Variants in MRPS30 observed in about 807,000 individuals in gnomAD.
MRPS30 encodes the protein mitochondrial ribosomal protein S30.
Under a neutral mutation model 43.8 loss-of-function variants are expected in MRPS30, and 42 were observed. The ratio of observed to expected loss-of-function variants is 0.96; its 90% CI spans 0.75 to 1.24. The LOEUF is 1.24. Among genes scored for constraint, MRPS30 ranks in the 50% most tolerant of loss-of-function variants. The pLI is 0.00. For synonymous variants in MRPS30, 273 were observed against 228.2 expected (o/e 1.20, Z -1.77); for missense variants, 638 against 570.0 (o/e 1.12, Z -1.22).
At position 44,811,274 on chromosome 5, in the gene MRPS30, T is replaced by C. The variant is rs1742836308; in HGVS notation, c.747+120T>C. 17 of 1,234,278 alleles carry C rather than the reference T, an allele frequency of 1.4e-5. 2 individuals carry two copies. The South Asian group carries it at 1.9e-4, about 14-fold the overall frequency. 76.5% of individuals were successfully genotyped at this position (1,234,278 alleles called of 1,614,324 possible). A position where few individuals can be genotyped will look rare whatever the true frequency, so the allele number is the denominator to read the frequency against. ...AGGTGGATCTCTTGCCTTTCAAGTT[T>C]CCTTTTTGAAGACATCACCTCTCAA... On this transcript the variant is annotated intron_variant, in intron 2 of 4. Transcript: ENST00000507110.
chr5:44,814,749 G>A (rs1162470048), intron 4 of MRPS30, among the ~76,000 whole-genome samples, 164 bp from the exon 5 acceptor site: 1 of 152,164 alleles, frequency 6.6e-6, no homozygotes, highest in Non-Finnish European at 1.5e-5. Flanking sequence ...AAAATATAGG[G>A]TTAGAATAGA....
chr5:44,811,236 A>G, intron 2 of MRPS30, 82 bp downstream of exon 2: 2 of 1,456,476 alleles, frequency 1.4e-6, no homozygotes, highest in Admixed American at 2.0e-5. Context: ...GTCTTAGTAG[A>G]ATAAAATGTT....
intron 3 of MRPS30, 93 bp downstream of exon 3, chr5:44,812,113 G>A (rs556410456): frequency 4.4e-5 from 37 of 838,130 alleles, no homozygotes; most frequent in Non-Finnish European, 6.3e-5. Flanking sequence ...ATTAATTCTC[G>A]AAGACCGAGA....
chr5:44,811,978 C>T lies in MRPS30; in HGVS notation c.811C>T (p.Leu271Phe). Reference protein sequence around the residue: ...IPTIKCKPDKLPLFKRQYENH... With the variant: ...IPTIKCKPDKFPLFKRQYENH... ...CACTATAAAATGTAAACCAGACAAA[C>T]TTCCATTATTCAAACGGCAGTATGA... The change falls in exon 3 of 5, where the codon CTT (leucine) becomes TTT (phenylalanine). Residue 271 changes from leucine to phenylalanine, a missense_variant. Leu to Phe is a conservative substitution (Grantham distance 22). Coordinates refer to ENST00000507110, the MANE Select transcript of MRPS30 (RefSeq NM_016640.4). 6.2e-7 allele frequency: 1 copy of T among 1,601,250 alleles called. No homozygotes were observed.
At chr5:44,811,786 A>C (rs1742842871) in intron 2 of MRPS30, 129 bp from the exon 3 acceptor site, 2 of 583,050 alleles carry the variant, frequency 3.4e-6, no homozygotes, top group South Asian at 5.4e-5. Context: ...TTGGCCCATC[A>C]TTCGATGATA....
chr5:44,811,748 A>C (rs1223909217), intron 2 of MRPS30, among the ~76,000 whole-genome samples, 167 bp from the exon 3 acceptor site: 8 of 152,180 alleles, frequency 5.3e-5, no homozygotes, highest in Non-Finnish European at 1.2e-4. Context: ...GTAAAACTTT[A>C]CTTGTAAAAA....
chr5:44,810,198 G>A (rs1742815070), intron 1 of MRPS30, among the ~76,000 whole-genome samples: 1 of 152,080 alleles, frequency 6.6e-6, no homozygotes, highest in African/African-American at 2.4e-5. Flanking sequence ...ACGATAGGTA[G>A]CAATGTTTTG....
At position 44,809,408 on chromosome 5, in the gene MRPS30, G is replaced by T. The variant is rs144542965; in HGVS notation, c.446G>T (p.Cys149Phe). The T allele has an allele frequency of 1.9e-6, 3 of 1,612,194 alleles. No homozygotes were observed. The highest frequency in any genetic ancestry group is 2.2e-5 in the East Asian group (1 of 44,830). Reference sequence around the variant, plus strand: ...GCGCTGCGTGCGGTCGCCTGCGACTGCCTGCTGCAGGAGCACTTCTACCTG... The same window carrying T: ...GCGCTGCGTGCGGTCGCCTGCGACTTCCTGCTGCAGGAGCACTTCTACCTG... ...LAALRAVACD[C>F]LLQEHFYLRR... is the part of the protein sequence containing the mutation. Residue 149 changes from cysteine to phenylalanine, a missense_variant, in exon 1 of 5, where the codon TGC becomes TTC. By Grantham distance (205) the Cys-to-Phe change is radical. Coordinates refer to ENST00000507110, the MANE Select transcript of MRPS30 (RefSeq NM_016640.4).
chr5:44,815,321 T>C lies in MRPS30; in HGVS notation c.*119T>C, dbSNP rs1742903187. On this transcript the variant is annotated 3_prime_UTR_variant, in exon 5 of 5. Coordinates refer to ENST00000507110, the MANE Select transcript of MRPS30 (RefSeq NM_016640.4). ...TGATTTTTGAGACAAATATTTCTTA[T>C]GTCAACCTGTTATTAGATCTCTTAC... 7 of 911,706 alleles carry C rather than the reference T, an allele frequency of 7.7e-6. No homozygotes were observed. The highest frequency in any genetic ancestry group is 1.1e-5 in the Non-Finnish European group (7 of 627,036). 56.5% of individuals were successfully genotyped at this position (911,706 alleles called of 1,614,324 possible). A position where few individuals can be genotyped will look rare whatever the true frequency, so the allele number is the denominator to read the frequency against.
chr5:44,814,839 A>G (rs1742892980), intron 4 of MRPS30, 74 bp from the exon 5 acceptor site: 2 of 1,359,940 alleles, frequency 1.5e-6, no homozygotes, highest in South Asian at 1.4e-5. Flanking sequence ...GATACCCTCT[A>G]ATGTCTAATG....
chr5:44,815,181 A>G lies in MRPS30; in HGVS notation c.1299A>G (p.Lys433=). 1.3e-6 allele frequency: 2 copies of G among 1,588,188 alleles called. No individual in the cohort carries two copies. The highest frequency in any genetic ancestry group is 1.7e-6 in the Non-Finnish European group (2 of 1,170,960). ...TACTGAATAGACCAAAAGAAGAAAAATCACAGCTGTTGGAAAACTGAAAAA... is the reference window on the plus strand; with the variant it reads ...TACTGAATAGACCAAAAGAAGAAAAGTCACAGCTGTTGGAAAACTGAAAAA... The part of the protein sequence containing the change: ...HFLLNRPKEE[K]SQLLEN Residue 433 remains lysine, a synonymous_variant, in exon 5 of 5, where the codon AAA becomes AAG. Coordinates refer to ENST00000507110, the MANE Select transcript of MRPS30 (RefSeq NM_016640.4).
At chr5:44,812,179 A>G (rs966612960) in intron 3 of MRPS30, among the ~76,000 whole-genome samples, 159 bp downstream of exon 3, 1 of 152,164 alleles carries the variant, frequency 6.6e-6, no homozygotes, top group African/African-American at 2.4e-5. Context: ...TACAACATGC[A>G]TAAACACTGG....
At position 44,815,359 on chromosome 5, in the gene MRPS30, C is replaced by A; in HGVS notation, c.*157C>A. ...TTAGATCTCTTACTCTGCTCAAATT[C>A]ATCACTGAAAGATTTAATTTTAGTT... On this transcript the variant is annotated 3_prime_UTR_variant, in exon 5 of 5. Transcript: ENST00000507110. 2 of 615,534 alleles carry A rather than the reference C, an allele frequency of 3.2e-6. No homozygotes were observed. The highest frequency in any genetic ancestry group is 5.1e-6 in the Non-Finnish European group (2 of 390,534). 38.1% of individuals were successfully genotyped at this position (615,534 alleles called of 1,614,324 possible).
At chr5:44,810,136 CT>C (rs1742813565) in intron 1 of MRPS30, 1 of 118,630 alleles carries the variant, frequency 8.4e-6, no homozygotes, top group South Asian at 2.8e-4. Context: ...GTGCTAGGCC[CT>C]GGTTCTAAAT....
chr5:44,814,398 G>T (rs1742887446), intron 4 of MRPS30, among the ~76,000 whole-genome samples: 1 of 152,142 alleles, frequency 6.6e-6, no homozygotes, highest in South Asian at 2.1e-4. Flanking sequence ...GGAGTAGATG[G>T]AATTAGACAA....
intron 2 of MRPS30, 105 bp downstream of exon 2, chr5:44,811,259 C>G: frequency 7.5e-7 from 1 of 1,333,152 alleles, no homozygotes; most frequent in Non-Finnish European, 1.0e-6. Context: ...AGGTGGATCT[C>G]TTGCCTTTCA....
Position 44,809,385 on chromosome 5 carries a change from G to A in MRPS30, c.423G>A (p.Ala141=), listed in dbSNP as rs763558207. 8 of 1,609,108 alleles carry A rather than the reference G, an allele frequency of 5.0e-6. No individual in the cohort carries two copies. Among genetic ancestry groups the A allele is most frequent in the Non-Finnish European group, 6.8e-6 (8 of 1,177,728 alleles). The stretch of plus-strand genomic sequence containing the variant: ...CTGAACCTGCGCTGGACCTCGCGGC[G>A]CTGCGTGCGGTCGCCTGCGACTGCC... ...PEPEPALDLA[A]LRAVACDCLL... Residue 141 remains alanine, a synonymous_variant, in exon 1 of 5, where the codon GCG becomes GCA. Coordinates refer to ENST00000507110, the MANE Select transcript of MRPS30 (RefSeq NM_016640.4).
chr5:44,810,796 T>A (rs1742827802), intron 1 of MRPS30, among the ~76,000 whole-genome samples: 1 of 152,250 alleles, frequency 6.6e-6, no homozygotes, highest in African/African-American at 2.4e-5. Context: ...GGAATCTCTT[T>A]GGTTACTGTT....
chr5:44,809,848 A>C, intron 1 of MRPS30: 9 of 396,276 alleles, frequency 2.3e-5, no homozygotes, highest in East Asian at 1.2e-4. Flanking sequence ...GTTCAGCCAA[A>C]TGGAAGAGCA....
Sources: allele counts gnomAD v4.1 joint callset (sites outside exome capture counted in the v4.1 genomes callset), GRCh38; gene constraint gnomAD v4.1.1; transcripts MANE v1.5; gene names NCBI Gene and HGNC (gene_info 2026-07-23, HGNC 2026-07-21).